The following GFRA2 variants were observed in gnomAD, a reference collection of about 807,000 sequenced individuals.
GFRA2 encodes GDNF family receptor alpha-2.
A neutral mutation model predicts 48.3 loss-of-function variants in GFRA2; 17 were observed. The ratio of observed to expected loss-of-function variants is 0.35; its 90% CI spans 0.24 to 0.53. The LOEUF is 0.53. GFRA2 is among the 20% of genes least tolerant of loss of function. The probability of loss-of-function intolerance (pLI) is 0.93; values close to 1 mark genes in which losing one functional copy is unlikely to be tolerated. For synonymous variants in GFRA2, 305 were observed against 257.2 expected (o/e 1.19, Z -1.78); for missense variants, 660 against 637.3 (o/e 1.04, Z -0.38).
chr8:21,793,470 G>A (rs1463732934), upstream of GFRA2, among the ~76,000 whole-genome samples: 1 of 152,150 alleles, frequency 6.6e-6, no homozygotes, highest in Non-Finnish European at 1.5e-5. Context: ...AAGACAAAGT[G>A]ACCAGCCTAG....
chr8:21,788,155 A>G lies in GFRA2; in HGVS notation c.5T>C (p.Ile2Thr), dbSNP rs1045455790. Residue 2 changes from isoleucine (I) to threonine (T), a missense_variant, in exon 1 of 9, where the codon ATC becomes ACC. Coordinates refer to ENST00000524240, the MANE Select transcript of GFRA2 (RefSeq NM_001495.5). M[I>T]LANVFCLFFF... ...GAAGAGGCAGAAGACGTTTGCCAAG[A>G]TCATGTTAAATAAATCCCACCGTTT... is the stretch of plus-strand genomic sequence containing the variant. 8.4e-5 allele frequency: 135 copies of G among 1,603,026 alleles called. No individual in the cohort carries two copies. Among genetic ancestry groups the G allele is most frequent in the Non-Finnish European group, 1.1e-4 (131 of 1,175,118 alleles).
intron 3 of GFRA2, among the ~76,000 whole-genome samples, chr8:21,755,280 G>A (rs1805513575): frequency 6.6e-6 from 1 of 152,052 alleles, no homozygotes; most frequent in African/African-American, 2.4e-5. Flanking sequence ...TCTATAGAGG[G>A]ATGCTGATAG....
chr8:21,747,690 G>A (rs1467001025), intron 4 of GFRA2, among the ~76,000 whole-genome samples: 4 of 151,102 alleles, frequency 2.6e-5, no homozygotes, highest in African/African-American at 9.8e-5. Flanking sequence ...TGAAGAAGGT[G>A]GTTTGTACCC....
At chr8:21,786,220 C>T (rs775226147) in intron 1 of GFRA2, among the ~76,000 whole-genome samples, 41 of 152,220 alleles carry the variant, frequency 2.7e-4, no homozygotes, top group African/African-American at 4.6e-4. Flanking sequence ...ACACCCACCA[C>T]GAGCAGGAAC....
intron 3 of GFRA2, among the ~76,000 whole-genome samples, chr8:21,772,665 C>G (rs1278208254): frequency 6.6e-6 from 1 of 152,190 alleles, no homozygotes; most frequent in Non-Finnish European, 1.5e-5. Context: ...CCCTGGAGCA[C>G]AGAAACCCAG....
At chr8:21,713,424 G>T (rs1803172715) in intron 4 of GFRA2, among the ~76,000 whole-genome samples, 1 of 151,998 alleles carries the variant, frequency 6.6e-6, no homozygotes, top group Admixed American at 6.6e-5. Flanking sequence ...TCAAACTCCT[G>T]ACCTCAAGTG....
intron 4 of GFRA2, among the ~76,000 whole-genome samples, chr8:21,745,166 A>G (rs58307391): frequency 0.013 from 1,937 of 152,382 alleles, 34 homozygotes; most frequent in African/African-American, 0.045. Flanking sequence ...AAGGCCTGCC[A>G]CGCAGTGTGC....
intron 4 of GFRA2, among the ~76,000 whole-genome samples, chr8:21,722,779 C>A (rs1051463657): frequency 6.6e-6 from 1 of 152,258 alleles, no homozygotes; most frequent in South Asian, 2.1e-4. Context: ...AACTCCACAA[C>A]AGGTGACAAC....
intron 3 of GFRA2, among the ~76,000 whole-genome samples, chr8:21,765,174 T>C (rs1176641738): frequency 6.6e-6 from 1 of 152,108 alleles, no homozygotes; most frequent in Non-Finnish European, 1.5e-5. Flanking sequence ...TGCAGTGGCA[T>C]GATCACAGCT....
Position 21,724,230 on chromosome 8 carries a change from G to C in GFRA2, c.795-18189C>G, listed in dbSNP as rs550495030. Among the ~76,000 whole-genome samples, 14 of 152,102 alleles carry C rather than the reference G, an allele frequency of 9.2e-5. No individual in the cohort carries two copies. In the East Asian group the frequency reaches 1.9e-3, roughly 21 times the overall value. On this transcript the variant is annotated intron_variant, in intron 4 of 8. Transcript: ENST00000524240. The stretch of plus-strand genomic sequence containing the variant: ...TATCTCCCTGCAGATGGTCTTGTGT[G>C]GGGGGCCTGGTGTTTCTTGGTGTTC...
intron 3 of GFRA2, among the ~76,000 whole-genome samples, chr8:21,759,536 A>AGGAG (rs1563252246): frequency 1.4e-5 from 2 of 147,344 alleles, no homozygotes; most frequent in East Asian, 2.0e-4. Context: ...GAAGGAAGGA[A>AGGAG]GGAAGGAGGG....
At chr8:21,785,112 C>T (rs1193256622) in intron 1 of GFRA2, among the ~76,000 whole-genome samples, 1 of 152,238 alleles carries the variant, frequency 6.6e-6, no homozygotes, top group East Asian at 1.9e-4. Context: ...TTCCTGGCTT[C>T]CTTAGCCTTC....
upstream of GFRA2, among the ~76,000 whole-genome samples, chr8:21,793,033 C>A (rs1395242470): frequency 6.6e-6 from 1 of 152,108 alleles, no homozygotes; most frequent in African/African-American, 2.4e-5. Flanking sequence ...CACCACTGCA[C>A]TCCAGCCTGC....
chr8:21,716,227 G>A (rs538780576), intron 4 of GFRA2, among the ~76,000 whole-genome samples: 9 of 151,712 alleles, frequency 5.9e-5, no homozygotes, highest in African/African-American at 2.2e-4. Context: ...GGAGGCTGAA[G>A]CAGGAGAACC....
intron 4 of GFRA2, among the ~76,000 whole-genome samples, chr8:21,737,154 T>C (rs957094977): frequency 6.6e-6 from 1 of 152,214 alleles, no homozygotes; most frequent in South Asian, 2.1e-4. Context: ...AACACGATCA[T>C]AGAATTAGTT....
chr8:21,742,443 C>T (rs1315052867), intron 4 of GFRA2, among the ~76,000 whole-genome samples: 1 of 152,182 alleles, frequency 6.6e-6, no homozygotes, highest in Non-Finnish European at 1.5e-5. Flanking sequence ...CCATCAAGAA[C>T]CCAGCCAGGA....
At chr8:21,792,313 C>G (rs897244097), upstream of GFRA2, among the ~76,000 whole-genome samples, 15 of 152,142 alleles carry the variant, frequency 9.9e-5, no homozygotes, top group Admixed American at 9.2e-4. Context: ...CTGAGGGTTC[C>G]CTGACCCCAG....
At position 21,690,801 on chromosome 8, in the gene GFRA2, C is replaced by T. The variant is rs7826924; in HGVS notation, c.*2477G>A. ...GCCTTCCAGCCCCTCAGATGCCCTC[C>T]AGTCCCTGCCCTCGCCTCCCCTGGT... On this transcript the variant is annotated 3_prime_UTR_variant, in exon 9 of 9. Transcript: ENST00000524240. 0.53 allele frequency: 80,784 copies of T among 152,568 alleles called. 22,824 individuals are homozygous for T. The highest frequency in any genetic ancestry group is 0.73 in the African/African-American group (30,265 of 41,480). The allele number at this position is 152,568 out of a possible 1,614,324, so 9.5% of individuals were successfully genotyped here.
rs73552633 is a variant in GFRA2, at chr8:21,693,475, C to T, written c.1273-75G>A. ...GAAAACAGTCAGGAGGCCTGGGACC[C>T]GGCAGAGAAACGGACTCAGGAACTG... is the stretch of plus-strand genomic sequence containing the variant. On this transcript the variant is annotated intron_variant, in intron 8 of 8. Coordinates refer to ENST00000524240, the MANE Select transcript of GFRA2 (RefSeq NM_001495.5). The T allele has an allele frequency of 4.9e-6, 7 of 1,416,492 alleles. No individual in the cohort carries two copies. In the Admixed American group the frequency reaches 8.7e-5, roughly 18 times the overall value. The allele number at this position is 1,416,492 out of a possible 1,614,324, so 87.7% of individuals were successfully genotyped here.
Sources: gnomAD v4.1 joint callset for allele counts (sites outside exome capture counted in the v4.1 genomes callset) on GRCh38, gnomAD v4.1.1 for gene constraint, MANE v1.5 for transcripts, NCBI Gene and HGNC (gene_info 2026-07-23, HGNC 2026-07-21) for gene names.